LOC128706665: variants seen among roughly 807,000 people sequenced by gnomAD.
chr20:10,424,594 T>C, the LOC128706665 span, among the ~76,000 whole-genome samples: 2 of 151,850 alleles, frequency 1.3e-5, no homozygotes, highest in Non-Finnish European at 2.9e-5. Context: ...AAAAAAAAAA[T>C]AGTTTTCAAA....
the LOC128706665 span, among the ~76,000 whole-genome samples, chr20:10,424,192 T>G: frequency 6.6e-6 from 1 of 152,032 alleles, no homozygotes; most frequent in South Asian, 2.1e-4. Flanking sequence ...AATTAGCACT[T>G]TAAAATGACA....
the LOC128706665 span, among the ~76,000 whole-genome samples, chr20:10,423,235 C>T: frequency 2.6e-5 from 4 of 151,968 alleles, no homozygotes; most frequent in South Asian, 2.1e-4. Flanking sequence ...GCCTAGGCAA[C>T]GTGGCAAAAC....
chr20:10,430,040 A>AAAAAAC, the LOC128706665 span, among the ~76,000 whole-genome samples: 34 of 152,064 alleles, frequency 2.2e-4, no homozygotes, highest in African/African-American at 8.0e-4. Flanking sequence ...ACAAAAAACA[A>AAAAAAC]AAAAACAAAA....
At chr20:10,425,690 C>T in the LOC128706665 span, among the ~76,000 whole-genome samples, 1 of 152,146 alleles carries the variant, frequency 6.6e-6, no homozygotes, top group Non-Finnish European at 1.5e-5. Flanking sequence ...AGAATAAGCT[C>T]AAAATGATCA....
the LOC128706665 span, among the ~76,000 whole-genome samples, chr20:10,426,418 CT>C: frequency 6.6e-6 from 1 of 151,988 alleles, no homozygotes; most frequent in South Asian, 2.1e-4. Flanking sequence ...GTTCTTTTTT[CT>C]TTTTTTGGGA....
the LOC128706665 span, among the ~76,000 whole-genome samples, chr20:10,417,028 G>A: frequency 4.7e-4 from 72 of 152,020 alleles, no homozygotes; most frequent in East Asian, 0.013. Flanking sequence ...ATGAATAGTC[G>A]CTAATAATTA....
the LOC128706665 span, among the ~76,000 whole-genome samples, chr20:10,419,951 A>G: frequency 1.3e-5 from 2 of 152,234 alleles, no homozygotes; most frequent in Admixed American, 1.3e-4. Context: ...ACTGCACTGC[A>G]AATTGCCTCA....
At chr20:10,424,944 T>G in the LOC128706665 span, among the ~76,000 whole-genome samples, 112 of 151,782 alleles carry the variant, frequency 7.4e-4, no homozygotes, top group African/African-American at 2.6e-3. Context: ...TCCCAGCTAC[T>G]CGGGAGGCTG....
the LOC128706665 span, among the ~76,000 whole-genome samples, chr20:10,419,842 ATTGT>A: frequency 6.6e-6 from 1 of 152,172 alleles, no homozygotes; most frequent in African/African-American, 2.4e-5. Flanking sequence ...AAATTTATGA[ATTGT>A]TTATTTCTGG....
At chr20:10,415,853 G>A in the LOC128706665 span, among the ~76,000 whole-genome samples, 4 of 152,116 alleles carry the variant, frequency 2.6e-5, no homozygotes, top group South Asian at 8.3e-4. Flanking sequence ...CTTTTGGCTA[G>A]TATTTCATTA....
chr20:10,427,835 G>A, the LOC128706665 span, among the ~76,000 whole-genome samples: 3 of 152,138 alleles, frequency 2.0e-5, no homozygotes, highest in African/African-American at 4.8e-5. Context: ...TCATAATTGA[G>A]TTCTAAAGTT....
At chr20:10,426,691 G>A in the LOC128706665 span, among the ~76,000 whole-genome samples, 2 of 152,280 alleles carry the variant, frequency 1.3e-5, no homozygotes, top group African/African-American at 2.4e-5. Context: ...AGCCATGCAC[G>A]CCCCGTGGCA....
At chr20:10,415,300 C>T in the LOC128706665 span, among the ~76,000 whole-genome samples, 1 of 152,084 alleles carries the variant, frequency 6.6e-6, no homozygotes, top group African/African-American at 2.4e-5. Context: ...TCTATTTAGC[C>T]TAAAGTACTT....
the LOC128706665 span, among the ~76,000 whole-genome samples, chr20:10,431,510 A>G: frequency 6.7e-6 from 1 of 149,702 alleles, no homozygotes; most frequent in Admixed American, 6.7e-5. Flanking sequence ...ACATAACTCA[A>G]TGCTGTATAG....
At chr20:10,429,292 T>C in the LOC128706665 span, among the ~76,000 whole-genome samples, 1 of 152,188 alleles carries the variant, frequency 6.6e-6, no homozygotes, top group Non-Finnish European at 1.5e-5. Context: ...CAGGACTCTA[T>C]ACTGTTCCTT....
chr20:10,413,810 T>C, the LOC128706665 span: 1 of 526,644 alleles, frequency 1.9e-6, no homozygotes, highest in Non-Finnish European at 3.3e-6. Context: ...GCAAAAAGTA[T>C]GTTCCAAGAT....
chr20:10,430,904 T>C, the LOC128706665 span, among the ~76,000 whole-genome samples: 3 of 152,228 alleles, frequency 2.0e-5, no homozygotes, highest in African/African-American at 4.8e-5. Flanking sequence ...ACGCTGTTGG[T>C]CTGAAACAAC....
At chr20:10,432,979 T>C in the LOC128706665 span, among the ~76,000 whole-genome samples, 1 of 152,190 alleles carries the variant, frequency 6.6e-6, no homozygotes, top group Admixed American at 6.5e-5. Flanking sequence ...TCAGTACAGA[T>C]GTAACCATCT....
At chr20:10,427,604 C>A in the LOC128706665 span, among the ~76,000 whole-genome samples, 2 of 152,198 alleles carry the variant, frequency 1.3e-5, no homozygotes, top group African/African-American at 4.8e-5. Flanking sequence ...TTTAATACAG[C>A]AGTTTGAATT....
Sources: allele counts gnomAD v4.1 joint callset (sites outside exome capture counted in the v4.1 genomes callset), GRCh38; gene constraint gnomAD v4.1.1; transcripts MANE v1.5.